The following ADCY2 variants were observed in gnomAD, a reference collection of about 807,000 sequenced individuals.
ADCY2 encodes the protein adenylate cyclase type 2.
In ADCY2, 31 loss-of-function variants were observed where a neutral mutation model predicts 125.2. The ratio of observed to expected loss-of-function variants is 0.25; its 90% CI spans 0.19 to 0.33. The LOEUF is 0.33. ADCY2 is among the 10% of genes least tolerant of loss of function. The probability of loss-of-function intolerance (pLI) is 1.00; values close to 1 mark genes in which losing one functional copy is unlikely to be tolerated. For synonymous variants in ADCY2, 512 were observed against 548.4 expected, an observed-to-expected ratio of 0.93 and a Z score of 0.93; for missense variants, 904 against 1,418.2, an observed-to-expected ratio of 0.64 and a Z score of 5.82.
intron 18 of ADCY2, among the ~76,000 whole-genome samples, chr5:7,780,913 T>C (rs1579428103): frequency 6.6e-6 from 1 of 152,182 alleles, no homozygotes; most frequent in Admixed American, 6.5e-5. Flanking sequence ...ATGAGCAAAA[T>C]GATTACTCCA....
intron 22 of ADCY2, among the ~76,000 whole-genome samples, chr5:7,809,150 C>T (rs1007421043): frequency 1.8e-4 from 27 of 151,990 alleles, no homozygotes; most frequent in African/African-American, 6.0e-4. Flanking sequence ...TGGTTTGTAC[C>T]GTGTTTTGCA....
At position 7,587,065 on chromosome 5, in the gene ADCY2, AT is replaced by A. The variant is rs550925940; in HGVS notation, c.571-39099del. Among the ~76,000 whole-genome samples, 383 of 152,282 alleles carry A rather than the reference AT, an allele frequency of 2.5e-3. 1 individual carries two copies. Among genetic ancestry groups the A allele is most frequent in the South Asian group, 0.015 (73 of 4,822 alleles). On this transcript the variant is annotated intron_variant, in intron 3 of 24. Transcript: ENST00000338316. Reference sequence around the variant, plus strand: ...TACAGGTGAACAGTTTGAGGCTCAGATTTGAAGAGAGTGTCTAGAGTTATAG... The same window carrying A: ...TACAGGTGAACAGTTTGAGGCTCAGATTGAAGAGAGTGTCTAGAGTTATAG...
At chr5:7,823,914 C>G (rs971300694) in intron 24 of ADCY2, among the ~76,000 whole-genome samples, 1 of 152,160 alleles carries the variant, frequency 6.6e-6, no homozygotes, top group African/African-American at 2.4e-5. Flanking sequence ...CGGCCACCTA[C>G]ACCGGCTCCA....
chr5:7,510,128 GA>G (rs1248752615), intron 2 of ADCY2, among the ~76,000 whole-genome samples: 3 of 152,140 alleles, frequency 2.0e-5, no homozygotes, highest in Non-Finnish European at 4.4e-5. Flanking sequence ...TTATTAAGTA[GA>G]AATGAAATTT....
chr5:7,509,537 C>T (rs369498684), intron 2 of ADCY2, among the ~76,000 whole-genome samples: 115 of 152,182 alleles, frequency 7.6e-4, no homozygotes, highest in African/African-American at 2.6e-3. Flanking sequence ...TTTTAAAAAG[C>T]ACAGTGAAAG....
At chr5:7,531,581 C>A (rs1439395714) in intron 3 of ADCY2, among the ~76,000 whole-genome samples, 1 of 152,164 alleles carries the variant, frequency 6.6e-6, no homozygotes, top group Non-Finnish European at 1.5e-5. Context: ...AGGGAGACTG[C>A]TTTTATGCCT....
At chr5:7,748,537 C>CACAG (rs10657815) in intron 15 of ADCY2, among the ~76,000 whole-genome samples, 64,447 of 136,142 alleles carry the variant, frequency 0.47, 14,713 homozygotes, top group East Asian at 0.83. Flanking sequence ...CACACACACA[C>CACAG]ACACACACAC....
At chr5:7,547,673 T>C (rs1047660678) in intron 3 of ADCY2, among the ~76,000 whole-genome samples, 1 of 152,258 alleles carries the variant, frequency 6.6e-6, no homozygotes, top group Non-Finnish European at 1.5e-5. Flanking sequence ...GATCTTTACC[T>C]GTGCCTCTCT....
At chr5:7,438,970 G>A (rs1740908661) in intron 2 of ADCY2, among the ~76,000 whole-genome samples, 1 of 152,104 alleles carries the variant, frequency 6.6e-6, no homozygotes, top group Non-Finnish European at 1.5e-5. Flanking sequence ...AGCAACACAA[G>A]GGTCATGTCC....
chr5:7,682,506 C>T (rs1182029659), intron 4 of ADCY2, among the ~76,000 whole-genome samples: 1 of 152,220 alleles, frequency 6.6e-6, no homozygotes, highest in Non-Finnish European at 1.5e-5. Context: ...AGCTTGGCAG[C>T]ACAGCCTACT....
At chr5:7,595,806 A>G (rs569378693) in intron 3 of ADCY2, among the ~76,000 whole-genome samples, 1 of 152,280 alleles carries the variant, frequency 6.6e-6, no homozygotes, top group African/African-American at 2.4e-5. Context: ...AATATCGAAT[A>G]CAATGTAAAT....
At chr5:7,692,260 C>T (rs1199975382) in intron 5 of ADCY2, 1 of 152,138 alleles carries the variant, frequency 6.6e-6, no homozygotes, top group Non-Finnish European at 1.5e-5. Context: ...ACAAATTTAA[C>T]CGTTACTTAA....
chr5:7,663,514 ACATT>A (rs1247796342), intron 4 of ADCY2, among the ~76,000 whole-genome samples: 1 of 152,252 alleles, frequency 6.6e-6, no homozygotes, highest in Admixed American at 6.5e-5. Context: ...AACTCTGAAG[ACATT>A]CATGGCTTCT....
chr5:7,735,051 T>C (rs111905862), intron 14 of ADCY2, among the ~76,000 whole-genome samples: 2,351 of 152,192 alleles, frequency 0.015, 32 homozygotes, highest in Non-Finnish European at 0.021. Flanking sequence ...TACCATCACA[T>C]TGGAGGTTAG....
intron 4 of ADCY2, among the ~76,000 whole-genome samples, chr5:7,678,869 T>C (rs1250809738): frequency 6.6e-6 from 1 of 152,210 alleles, no homozygotes; most frequent in Non-Finnish European, 1.5e-5. Flanking sequence ...TCAGATTATT[T>C]AATGAGTTCC....
At chr5:7,441,934 G>A (rs150709949) in intron 2 of ADCY2, among the ~76,000 whole-genome samples, 8 of 152,212 alleles carry the variant, frequency 5.3e-5, no homozygotes, top group African/African-American at 1.4e-4. Flanking sequence ...GCCCGCCCTC[G>A]TCATGTTAGA....
At position 7,396,797 on chromosome 5, in the gene ADCY2, G is replaced by A. The variant is rs960754411; in HGVS notation, c.210+291G>A. Among the ~76,000 whole-genome samples the A allele has an allele frequency of 6.6e-6, 1 of 152,166 alleles. No homozygotes were observed. The highest frequency in any genetic ancestry group is 2.4e-5 in the African/African-American group (1 of 41,476). Reference sequence around the variant, plus strand: ...GGGCGTGTGCTTTTTGCATCTTTGCGCACCCGCTGGCAAACTCTGCGCTTT... The same window carrying A: ...GGGCGTGTGCTTTTTGCATCTTTGCACACCCGCTGGCAAACTCTGCGCTTT... On this transcript the variant is annotated intron_variant, in intron 1 of 24. Coordinates refer to ENST00000338316, the MANE Select transcript of ADCY2 (RefSeq NM_020546.3). This position sits in a 1 kb window ranked among gnomAD's most constrained non-coding sequence, Gnocchi z 5.7.
intron 3 of ADCY2, among the ~76,000 whole-genome samples, chr5:7,544,349 T>A (rs1361285418): frequency 6.6e-6 from 1 of 152,214 alleles, no homozygotes; most frequent in Non-Finnish European, 1.5e-5. Context: ...AGTCAAGGTG[T>A]TGGCAGGGCT....
chr5:7,606,155 G>T (rs1359236871), intron 3 of ADCY2, among the ~76,000 whole-genome samples: 1 of 152,022 alleles, frequency 6.6e-6, no homozygotes, highest in Non-Finnish European at 1.5e-5. Context: ...TTCTTGATCT[G>T]GGTGTTGTTT....
Sources: allele counts gnomAD v4.1 joint callset (sites outside exome capture counted in the v4.1 genomes callset), GRCh38; gene constraint gnomAD v4.1.1; non-coding constraint Gnocchi (gnomAD v3.1); transcripts MANE v1.5; gene names NCBI Gene and HGNC (gene_info 2026-07-23, HGNC 2026-07-21).